The following USP36 variants were observed in gnomAD, a reference collection of about 807,000 sequenced individuals.
USP36 encodes ubiquitin specific peptidase 36, also known as ubiquitin carboxyl-terminal hydrolase 36.
USP36 carries 59 observed loss-of-function variants against 111.5 expected under a neutral mutation model. That is an observed-to-expected ratio of 0.53 (90% CI 0.43 to 0.66). The LOEUF (loss-of-function observed/expected upper bound fraction) is 0.66, where lower values mean the gene tolerates loss of function less well. USP36 is among the 30% of genes least tolerant of loss of function. The pLI, the probability that USP36 is intolerant of heterozygous loss-of-function variation, is 0.00. For missense variants in USP36, 1,488 were observed against 1,468.0 expected (o/e 1.01, Z -0.22); for synonymous variants, 628 against 581.0 (o/e 1.08, Z -1.16).
At chr17:78,801,393 G>T (rs1417005987) in intron 17 of USP36, among the ~76,000 whole-genome samples, 1 of 152,188 alleles carries the variant, frequency 6.6e-6, no homozygotes. Flanking sequence ...TTTCTTAAGA[G>T]TTGGATAAAT....
chr17:78,823,800 G>C (rs772785572), intron 6 of USP36, among the ~76,000 whole-genome samples: 1 of 152,066 alleles, frequency 6.6e-6, no homozygotes, highest in Admixed American at 6.6e-5. Flanking sequence ...CTAGACTATC[G>C]ACCCTTCTGC....
At position 78,796,139 on chromosome 17, in the gene USP36, C is replaced by T. The variant is rs994042066; in HGVS notation, c.*1761G>A. On this transcript the variant is annotated 3_prime_UTR_variant, in exon 21 of 21. Transcript: ENST00000449938. The stretch of plus-strand genomic sequence containing the variant: ...CCCCAGGAAAAGGTTTTACAGTTAT[C>T]TAGTGGAGAAGGGAAGAGACTGATT... 2.0e-5 allele frequency: 3 copies of T among 152,072 alleles called. No homozygotes were observed. The highest frequency in any genetic ancestry group is 4.8e-5 in the African/African-American group (2 of 41,370). The allele number at this position is 152,072 out of a possible 1,614,324, so 9.4% of individuals were successfully genotyped here.
At chr17:78,826,974 G>A (rs2067602248) in intron 6 of USP36, 8 of 635,278 alleles carry the variant, frequency 1.3e-5, no homozygotes, top group Non-Finnish European at 2.3e-5. Flanking sequence ...GAGCTGCTCA[G>A]ACACAGCTGC....
At chr17:78,795,191 C>T (rs1431157164), downstream of USP36, among the ~76,000 whole-genome samples, 1 of 152,148 alleles carries the variant, frequency 6.6e-6, no homozygotes, top group Non-Finnish European at 1.5e-5. The surrounding 1 kb of genome is among the most constrained non-coding windows in gnomAD (Gnocchi z 4.5). Flanking sequence ...CAGCAGTGTG[C>T]CCTGCTCTCT....
intron 12 of USP36, among the ~76,000 whole-genome samples, chr17:78,813,474 G>A (rs889766153): frequency 2.6e-5 from 4 of 152,176 alleles, no homozygotes; most frequent in African/African-American, 7.2e-5. Context: ...AAGGGGCATT[G>A]GCTGGCTACC....
intron 4 of USP36, among the ~76,000 whole-genome samples, chr17:78,834,518 C>A (rs1157011346): frequency 6.6e-6 from 1 of 152,112 alleles, no homozygotes; most frequent in Non-Finnish European, 1.5e-5. Context: ...TCTTGGTCAG[C>A]TCACTGCAAC....
chr17:78,820,061 C>A (rs776136296), intron 8 of USP36, 49 bp from the exon 9 acceptor site: 3 of 1,589,068 alleles, frequency 1.9e-6, no homozygotes, highest in Admixed American at 1.7e-5. Flanking sequence ...AGGAAAAAGG[C>A]TGATTCAAGA....
intron 11 of USP36, 78 bp downstream of exon 11, chr17:78,814,334 C>T: frequency 6.4e-7 from 1 of 1,574,002 alleles, no homozygotes; most frequent in Non-Finnish European, 8.6e-7. Context: ...AGTAAGTGCT[C>T]TACAGAGGCC....
chr17:78,819,836 G>A (rs962776487), intron 9 of USP36, 94 bp downstream of exon 9: 52 of 1,326,648 alleles, frequency 3.9e-5, no homozygotes, highest in Admixed American at 1.5e-4. Flanking sequence ...AGCGGTCACC[G>A]CTAAGGAAGA....
downstream of USP36, among the ~76,000 whole-genome samples, chr17:78,793,715 A>T (rs1358655001): frequency 6.6e-6 from 1 of 152,142 alleles, no homozygotes; most frequent in East Asian, 1.9e-4. Flanking sequence ...AGGGATTCTC[A>T]CAGCACCGTC....
intron 11 of USP36, 71 bp downstream of exon 11, chr17:78,814,341 G>A (rs201654754): frequency 2.1e-4 from 329 of 1,585,560 alleles, no homozygotes; most frequent in Non-Finnish European, 2.6e-4. Flanking sequence ...GCTCTACAGA[G>A]GCCGCATCTG....
Position 78,796,058 on chromosome 17 carries a change from C to A in USP36, c.*1842G>T, listed in dbSNP as rs1464439667. ...CGTGACTCCACCCAACAGTGATAAA[C>A]GCTGCAGAAAGTCATCTCGTGCTCA... On this transcript the variant is annotated 3_prime_UTR_variant, in exon 21 of 21. Transcript: ENST00000449938. 6.6e-6 allele frequency: 1 copy of A among 152,128 alleles called. No individual in the cohort carries two copies. The highest frequency in any genetic ancestry group is 1.5e-5 in the Non-Finnish European group (1 of 68,034). 9.4% of individuals were successfully genotyped at this position (152,128 alleles called of 1,614,324 possible).
rs760270597 is a variant in USP36, at chr17:78,807,034, C to G, written c.2010G>C (p.Leu670=). The change falls in exon 14 of 21, where the codon CTG becomes CTC. Residue 670 remains leucine (L), a synonymous_variant. Coordinates refer to ENST00000449938, the MANE Select transcript of USP36 (RefSeq NM_001385174.1). Reference sequence around the variant, plus strand: ...TTGCAGGCTCAGTGGTGGTGTTGCTCAGGACAGGGGACTTCAGCTTCACCG... The same window carrying G: ...TTGCAGGCTCAGTGGTGGTGTTGCTGAGGACAGGGGACTTCAGCTTCACCG... ...SKTVKLKSPV[L]SNTTTEPAST... The G allele has an allele frequency of 2.5e-6, 4 of 1,614,064 alleles. No homozygotes were observed. The highest frequency in any genetic ancestry group is 2.5e-6 in the Non-Finnish European group (3 of 1,180,040).
At chr17:78,823,569 G>A (rs1321220839) in intron 6 of USP36, among the ~76,000 whole-genome samples, 2 of 152,190 alleles carry the variant, frequency 1.3e-5, no homozygotes, top group African/African-American at 4.8e-5. Context: ...GGGGCAGGAG[G>A]TGGCCCGAGA....
intron 4 of USP36, among the ~76,000 whole-genome samples, chr17:78,832,469 G>A (rs2068232154): frequency 6.6e-6 from 1 of 152,234 alleles, no homozygotes; most frequent in Admixed American, 6.5e-5. Context: ...CTGGCCCATG[G>A]GACCGGTATT....
chr17:78,802,844 C>G (rs1489427174), intron 16 of USP36, among the ~76,000 whole-genome samples: 1 of 152,204 alleles, frequency 6.6e-6, no homozygotes, highest in African/African-American at 2.4e-5. Flanking sequence ...GATCCAGCAT[C>G]CTTGAACGGC....
intron 10 of USP36, among the ~76,000 whole-genome samples, chr17:78,815,842 CACACACATAT>C (rs1567941724): frequency 1.5e-5 from 2 of 135,686 alleles, no homozygotes; most frequent in African/African-American, 7.6e-5. Context: ...TATACATACA[CACACACATAT>C]GCATGCATAC....
chr17:78,838,245 C>T (rs916059727), intron 2 of USP36, among the ~76,000 whole-genome samples: 12 of 151,720 alleles, frequency 7.9e-5, no homozygotes, highest in East Asian at 7.7e-4. Flanking sequence ...TGGTGGCAGG[C>T]GCCTGTAATC....
chr17:78,822,551 C>A (rs1309493486), intron 6 of USP36, among the ~76,000 whole-genome samples: 1 of 152,200 alleles, frequency 6.6e-6, no homozygotes, highest in Admixed American at 6.5e-5. Context: ...CGGAGTCAGA[C>A]GTGGGCTTCG....
Sources: gnomAD v4.1 joint callset for allele counts (sites outside exome capture counted in the v4.1 genomes callset) on GRCh38, gnomAD v4.1.1 for gene constraint, Gnocchi (gnomAD v3.1) non-coding constraint, MANE v1.5 for transcripts, NCBI Gene and HGNC (gene_info 2026-07-23, HGNC 2026-07-21) for gene names.